The following CLCN1 variants were observed in gnomAD, a reference collection of about 807,000 sequenced individuals.
The protein encoded by CLCN1 is chloride channel protein 1.
Under a neutral mutation model 114.5 loss-of-function variants are expected in CLCN1, and 100 were observed. The ratio of observed to expected loss-of-function variants is 0.87; its 90% CI spans 0.74 to 1.03. CLCN1 has a LOEUF of 1.03. Among genes scored for constraint, CLCN1 ranks in the 50% least tolerant of loss-of-function variants. The pLI, the probability that CLCN1 is intolerant of heterozygous loss-of-function variation, is 0.00. For missense variants in CLCN1, 1,188 were observed against 1,250.0 expected, an observed-to-expected ratio of 0.95 and a Z score of 0.75; for synonymous variants, 485 against 487.1, an observed-to-expected ratio of 1.00 and a Z score of 0.06.
At chr7:143,336,682 A>T (rs968093680) in intron 12 of CLCN1, among the ~76,000 whole-genome samples, 1 of 150,558 alleles carries the variant, frequency 6.6e-6, no homozygotes, top group African/African-American at 2.4e-5. Flanking sequence ...AAAGAGAAAG[A>T]AGAAAGTCTT....
At position 143,327,435 on chromosome 7, in the gene CLCN1, G is replaced by T. The variant is rs748352578; in HGVS notation, c.853+2943G>T. On this transcript the variant is annotated intron_variant, in intron 7 of 22. Transcript: ENST00000343257. Reference sequence around the variant, plus strand: ...TGAATTAAAGTCATGAAATACTTGTGCACAAGGAAGTGATATGGCCAGCTT... The same window carrying T: ...TGAATTAAAGTCATGAAATACTTGTTCACAAGGAAGTGATATGGCCAGCTT... Among the ~76,000 whole-genome samples the T allele has an allele frequency of 4.6e-5, 7 of 152,200 alleles. No homozygotes were observed. In the South Asian group the frequency reaches 1.2e-3, roughly 27 times the overall value.
chr7:143,332,157 T>G (rs1228476676), intron 10 of CLCN1, among the ~76,000 whole-genome samples: 2 of 152,020 alleles, frequency 1.3e-5, no homozygotes, highest in African/African-American at 4.8e-5. Flanking sequence ...AGAGATGGGG[T>G]TTCACCATGT....
Position 143,339,210 on chromosome 7 carries a change from G to T in CLCN1, c.1402-43G>T. ...AGGGAATTGTGTGTGCATGTCTATT[G>T]GGCAGAGTTGAAAGGGTATTCCAAC... is the stretch of plus-strand genomic sequence containing the variant. On this transcript the variant is annotated intron_variant, in intron 12 of 22. Transcript: ENST00000343257. The surrounding 1 kb of genome is among the most constrained non-coding windows in gnomAD (Gnocchi z 4.1). The T allele has an allele frequency of 1.6e-6, 2 of 1,263,980 alleles. No individual in the cohort carries two copies. Among genetic ancestry groups the T allele is most frequent in the South Asian group, 1.2e-5 (1 of 83,988 alleles). 78.3% of individuals were successfully genotyped at this position (1,263,980 alleles called of 1,614,324 possible). A position where few individuals can be genotyped will look rare whatever the true frequency, so the allele number is the denominator to read the frequency against.
chr7:143,343,759 TCTCC>T (rs1803152383), intron 16 of CLCN1, among the ~76,000 whole-genome samples: 2 of 151,730 alleles, frequency 1.3e-5, no homozygotes, highest in Admixed American at 1.3e-4. Flanking sequence ...TTTCTCTCTC[TCTCC>T]CTCCCTCTTT....
intron 5 of CLCN1, among the ~76,000 whole-genome samples, chr7:143,322,852 C>A (rs117485742): frequency 6.6e-6 from 1 of 152,256 alleles, no homozygotes; most frequent in Non-Finnish European, 1.5e-5. Flanking sequence ...CCTTCGAGAC[C>A]GTGGACTCTG....
In CLCN1 at chr7:143,319,745, C is replaced by G. The variant is rs1802376011; in HGVS notation, c.181-10C>G. 6.2e-7 allele frequency: 1 copy of G among 1,613,754 alleles called. No individual in the cohort carries two copies. Among genetic ancestry groups the G allele is most frequent in the Non-Finnish European group, 8.5e-7 (1 of 1,179,730 alleles). Reference sequence around the variant, plus strand: ...ACAAGGCAGACACTGATCATTCTCTCTCTGTCCAGATTTATGGCCATCACA... The same window carrying G: ...ACAAGGCAGACACTGATCATTCTCTGTCTGTCCAGATTTATGGCCATCACA... On this transcript the variant is annotated splice_polypyrimidine_tract_variant and intron_variant, in intron 1 of 22. Coordinates refer to ENST00000343257, the MANE Select transcript of CLCN1 (RefSeq NM_000083.3).
At chr7:143,348,488 C>T (rs1346153721) in intron 20 of CLCN1, among the ~76,000 whole-genome samples, 2 of 152,028 alleles carry the variant, frequency 1.3e-5, no homozygotes, top group African/African-American at 2.4e-5. Flanking sequence ...TCATTTCTAG[C>T]TTATGTCTTT....
In CLCN1 at chr7:143,332,717, C is replaced by T. The variant is rs1189132272; in HGVS notation, c.1252-7C>T. 2 of 1,613,930 alleles carry T rather than the reference C, an allele frequency of 1.2e-6. No homozygotes were observed. Among genetic ancestry groups the T allele is most frequent in the Non-Finnish European group, 1.7e-6 (2 of 1,180,028 alleles). On this transcript the variant is annotated splice_region_variant and splice_polypyrimidine_tract_variant and intron_variant, in intron 11 of 22. Coordinates refer to ENST00000343257, the MANE Select transcript of CLCN1 (RefSeq NM_000083.3). ...GAACCCACCCTTTCTGCTTCTTCCTCTCCCAGTTGATGCCCCGCGAAGCCA... is the reference window on the plus strand; with the variant it reads ...GAACCCACCCTTTCTGCTTCTTCCTTTCCCAGTTGATGCCCCGCGAAGCCA...
In CLCN1 at chr7:143,321,361, G is replaced by C. The variant is rs368048336; in HGVS notation, c.434-4G>C. ...TGCCTAACCCCAGGCATGTGTCTCC[G>C]CAGCCTACAAGTGGTCCTACGCGCA... On this transcript the variant is annotated splice_polypyrimidine_tract_variant and splice_region_variant and intron_variant, in intron 3 of 22. Transcript: ENST00000343257. The surrounding 1 kb of genome is among the most constrained non-coding windows in gnomAD (Gnocchi z 4.2). 8.7e-6 allele frequency: 14 copies of C among 1,614,110 alleles called. No individual in the cohort carries two copies. The highest frequency in any genetic ancestry group is 1.2e-5 in the Non-Finnish European group (14 of 1,180,004).
chr7:143,339,114 G>T lies in CLCN1; in HGVS notation c.1402-139G>T. 1.3e-6 allele frequency: 1 copy of T among 761,294 alleles called. No individual in the cohort carries two copies. Among genetic ancestry groups the T allele is most frequent in the Non-Finnish European group, 2.4e-6 (1 of 412,092 alleles). The allele number at this position is 761,294 out of a possible 1,614,324, so 47.2% of individuals were successfully genotyped here. ...TCTATGGCTTTTGTTTCTGGAAGAAGGGTGACAGACAAAGTGACTTTCAGA... is the reference window on the plus strand; with the variant it reads ...TCTATGGCTTTTGTTTCTGGAAGAATGGTGACAGACAAAGTGACTTTCAGA... On this transcript the variant is annotated intron_variant, in intron 12 of 22. Transcript: ENST00000343257. The surrounding 1 kb of genome is among the most constrained non-coding windows in gnomAD (Gnocchi z 4.1).
Position 143,324,354 on chromosome 7 carries a change from C to T in CLCN1, c.775-60C>T. 1 of 1,254,144 alleles carries T rather than the reference C, an allele frequency of 8.0e-7. No homozygotes were observed. Among genetic ancestry groups the T allele is most frequent in the Non-Finnish European group, 1.2e-6 (1 of 852,646 alleles). The allele number at this position is 1,254,144 out of a possible 1,614,324, so 77.7% of individuals were successfully genotyped here. ...TATTCCCCATCCCTGCTTGTTCTGT[C>T]CTCTGCCTGCCCACCTCCCTCTCTT... On this transcript the variant is annotated intron_variant, in intron 6 of 22. Coordinates refer to ENST00000343257, the MANE Select transcript of CLCN1 (RefSeq NM_000083.3). This position sits in a 1 kb window ranked among gnomAD's most constrained non-coding sequence, Gnocchi z 4.6.
At chr7:143,323,453 T>C in intron 6 of CLCN1, 67 bp downstream of exon 6, 1 of 1,124,722 alleles carries the variant, frequency 8.9e-7, no homozygotes, top group Non-Finnish European at 1.4e-6. Flanking sequence ...GTGTCCAGGG[T>C]GTTGGGAGGG....
At position 143,352,021 on chromosome 7, in the gene CLCN1, C is replaced by G. The variant is rs771294723; in HGVS notation, c.*56C>G. 8 of 1,610,094 alleles carry G rather than the reference C, an allele frequency of 5.0e-6. No homozygotes were observed. In the African/African-American group the frequency reaches 9.4e-5, roughly 19 times the overall value. On this transcript the variant is annotated 3_prime_UTR_variant, in exon 23 of 23. Transcript: ENST00000343257. ...TGGAGAGGCCCAGCCTGAGGGTGAA[C>G]TTGTGTGGGGCAGGGTGCGTCCTGA... is the stretch of plus-strand genomic sequence containing the variant.
intron 16 of CLCN1, among the ~76,000 whole-genome samples, chr7:143,344,320 A>G (rs2116379883): frequency 6.6e-6 from 1 of 152,332 alleles, no homozygotes; most frequent in African/African-American, 2.4e-5. Context: ...TATGAATTCT[A>G]TATACCCAGA....
rs1300739897 is a variant in CLCN1, at chr7:143,350,898, C to T, written c.2595+244C>T. ...GTTCAAGTGATTCTCCTGCCTCAGC[C>T]TCCCAAGTAGCTGGGATTACAGGCG... On this transcript the variant is annotated intron_variant, in intron 22 of 22. Coordinates refer to ENST00000343257, the MANE Select transcript of CLCN1 (RefSeq NM_000083.3). The surrounding 1 kb of genome is among the most constrained non-coding windows in gnomAD (Gnocchi z 5.1). 6.6e-6 allele frequency among the ~76,000 whole-genome samples: 1 copy of T among 152,124 alleles called. No individual in the cohort carries two copies. The highest frequency in any genetic ancestry group is 1.5e-5 in the Non-Finnish European group (1 of 68,024).
intron 7 of CLCN1, among the ~76,000 whole-genome samples, chr7:143,326,155 T>A (rs1289633274): frequency 2.6e-5 from 4 of 152,102 alleles, no homozygotes; most frequent in African/African-American, 9.7e-5. Context: ...TAGCTGGGAT[T>A]ACAGGCCTGC....
chr7:143,339,435 G>A lies in CLCN1; in HGVS notation c.1472-76G>A, dbSNP rs1803018222. 2.9e-6 allele frequency: 4 copies of A among 1,380,882 alleles called. No individual in the cohort carries two copies. The highest frequency in any genetic ancestry group is 2.8e-5 in the African/African-American group (2 of 70,182). 85.5% of individuals were successfully genotyped at this position (1,380,882 alleles called of 1,614,324 possible). ...TTTATATTTGTTCTTAATGCCCAAG[G>A]AGAGATTGGTTCTGAAAACTGAGAG... On this transcript the variant is annotated intron_variant, in intron 13 of 22. Transcript: ENST00000343257. This position sits in a 1 kb window ranked among gnomAD's most constrained non-coding sequence, Gnocchi z 4.1.
chr7:143,341,814 T>C, intron 14 of CLCN1, 115 bp from the exon 15 acceptor site: 2 of 797,594 alleles, frequency 2.5e-6, no homozygotes, highest in East Asian at 2.6e-5. Context: ...TTATGAGTAT[T>C]GGCACTGACC....
chr7:143,322,200 A>G (rs1026289324), intron 5 of CLCN1, among the ~76,000 whole-genome samples: 8 of 152,212 alleles, frequency 5.3e-5, no homozygotes, highest in Non-Finnish European at 8.8e-5. Flanking sequence ...CAGTTGTGAC[A>G]CCAGCATGTC....
Sources: allele counts gnomAD v4.1 joint callset (sites outside exome capture counted in the v4.1 genomes callset), GRCh38; gene constraint gnomAD v4.1.1; non-coding constraint Gnocchi (gnomAD v3.1); transcripts MANE v1.5; gene names NCBI Gene and HGNC (gene_info 2026-07-23, HGNC 2026-07-21).